Variants in FAAH observed in about 807,000 individuals in gnomAD.
The protein encoded by FAAH is fatty-acid amide hydrolase 1.
Under a neutral mutation model 69.7 loss-of-function variants are expected in FAAH, and 63 were observed. The observed-to-expected ratio is 0.90, with a 90% CI of 0.74 to 1.12. The LOEUF (loss-of-function observed/expected upper bound fraction) is 1.12, where lower values mean the gene tolerates loss of function less well. Ranked by LOEUF, FAAH falls within the 50% of genes most tolerant of loss-of-function variation. The pLI is 0.00. For synonymous variants in FAAH, 305 were observed against 324.2 expected (o/e 0.94, Z 0.64); for missense variants, 680 against 755.0 (o/e 0.90, Z 1.16).
At chr1:46,398,507 A>C (rs555905750) in intron 1 of FAAH, among the ~76,000 whole-genome samples, 1 of 151,364 alleles carries the variant, frequency 6.6e-6, no homozygotes, top group Non-Finnish European at 1.5e-5. Context: ...TGTCTGATAG[A>C]TTCTGGACAA....
rs894778134 is a variant in FAAH, at chr1:46,413,733, G to A, written c.*158G>A. On this transcript the variant is annotated 3_prime_UTR_variant, in exon 15 of 15. Coordinates refer to ENST00000243167, the MANE Select transcript of FAAH (RefSeq NM_001441.3). ...CCTGCAAGAAGCGCCGACTCCCTGAGTCTGGACCTCCATCCCTGCTCTGGT... is the reference window on the plus strand; with the variant it reads ...CCTGCAAGAAGCGCCGACTCCCTGAATCTGGACCTCCATCCCTGCTCTGGT... The A allele has an allele frequency of 2.0e-6, 2 of 1,016,996 alleles. No individual in the cohort carries two copies. The highest frequency in any genetic ancestry group is 2.0e-5 in the Admixed American group (1 of 49,260). 63.0% of individuals were successfully genotyped at this position (1,016,996 alleles called of 1,614,324 possible).
In FAAH at chr1:46,405,240, G is replaced by A; in HGVS notation, c.444+92G>A. The A allele has an allele frequency of 6.2e-7, 1 of 1,611,526 alleles. No individual in the cohort carries two copies. The highest frequency in any genetic ancestry group is 8.5e-7 in the Non-Finnish European group (1 of 1,179,560). ...GGGTCATTTTGGGCCCTTAGAGGAG[G>A]TATCAGGTCCAGAGGCCTTCCGAGG... On this transcript the variant is annotated intron_variant, in intron 3 of 14. Coordinates refer to ENST00000243167, the MANE Select transcript of FAAH (RefSeq NM_001441.3). The surrounding 1 kb of genome is among the most constrained non-coding windows in gnomAD (Gnocchi z 4.1).
At chr1:46,406,583 C>CTTT (rs34839737) in intron 7 of FAAH, among the ~76,000 whole-genome samples, 17 of 117,792 alleles carry the variant, frequency 1.4e-4, no homozygotes, top group East Asian at 2.4e-4. Context: ...TTCTTTCTTT[C>CTTT]TTTTTTTTTT....
At chr1:46,395,499 G>A (rs1664580067) in intron 1 of FAAH, among the ~76,000 whole-genome samples, 2 of 152,244 alleles carry the variant, frequency 1.3e-5, no homozygotes, top group South Asian at 2.1e-4. Context: ...GCCTGGCTGA[G>A]GGTTTGGAAG....
At chr1:46,406,440 C>T in intron 7 of FAAH, 72 bp downstream of exon 7, 1 of 1,597,742 alleles carries the variant, frequency 6.3e-7, no homozygotes, top group South Asian at 1.1e-5. Flanking sequence ...TGTGGGCAGG[C>T]CTTGGAGCCC....
At chr1:46,402,023 A>C (rs1664711333) in intron 1 of FAAH, 68 bp from the exon 2 acceptor site, 1 of 1,326,356 alleles carries the variant, frequency 7.5e-7, no homozygotes, top group Non-Finnish European at 1.1e-6. Context: ...GGCATGGGCC[A>C]CTGGTGTCTG....
Position 46,410,901 on chromosome 1 carries a change from C to T in FAAH, c.1316+47C>T. On this transcript the variant is annotated intron_variant, in intron 11 of 14. Transcript: ENST00000243167. This position sits in a 1 kb window ranked among gnomAD's most constrained non-coding sequence, Gnocchi z 4.9. Reference sequence around the variant, plus strand: ...GCTGCCGGCCCCTGCCTGTCCTGATCCGAGTCTGGGTCTGGGTAGTTTCTG... The same window carrying T: ...GCTGCCGGCCCCTGCCTGTCCTGATTCGAGTCTGGGTCTGGGTAGTTTCTG... 6.2e-7 allele frequency: 1 copy of T among 1,611,422 alleles called. No individual in the cohort carries two copies. The highest frequency in any genetic ancestry group is 8.5e-7 in the Non-Finnish European group (1 of 1,177,542).
Position 46,410,716 on chromosome 1 carries a change from G to T in FAAH, c.1276-98G>T, listed in dbSNP as rs1435586373. 1.4e-6 allele frequency: 2 copies of T among 1,472,432 alleles called. No homozygotes were observed. Among genetic ancestry groups the T allele is most frequent in the Non-Finnish European group, 1.9e-6 (2 of 1,050,988 alleles). 91.2% of individuals were successfully genotyped at this position (1,472,432 alleles called of 1,614,324 possible). ...GGTGCCGACCTGGGCCCTGGGGGGA[G>T]GCATGGAGGGAGGGGTCCCCAGTGG... is the stretch of plus-strand genomic sequence containing the variant. On this transcript the variant is annotated intron_variant, in intron 10 of 14. Coordinates refer to ENST00000243167, the MANE Select transcript of FAAH (RefSeq NM_001441.3). The surrounding 1 kb of genome is among the most constrained non-coding windows in gnomAD (Gnocchi z 4.9).
At position 46,407,587 on chromosome 1, in the gene FAAH, T is replaced by A. The variant is rs557118084; in HGVS notation, c.952-872T>A. ...CTTGAGTGTTCTGGTTGTGCTCTGGTCCTGGTACTCTCTCTCTCTCTGTCT... is the reference window on the plus strand; with the variant it reads ...CTTGAGTGTTCTGGTTGTGCTCTGGACCTGGTACTCTCTCTCTCTCTGTCT... On this transcript the variant is annotated intron_variant, in intron 7 of 14. Coordinates refer to ENST00000243167, the MANE Select transcript of FAAH (RefSeq NM_001441.3). 3.4e-4 allele frequency among the ~76,000 whole-genome samples: 51 copies of A among 152,092 alleles called. No individual in the cohort carries two copies. In the South Asian group the frequency reaches 0.011, roughly 32 times the overall value.
chr1:46,410,901 C>G lies in FAAH; in HGVS notation c.1316+47C>G, dbSNP rs113338376. 38 of 1,611,422 alleles carry G rather than the reference C, an allele frequency of 2.4e-5. 1 individual carries two copies. In the African/African-American group the frequency reaches 2.5e-4, roughly 11 times the overall value. Reference sequence around the variant, plus strand: ...GCTGCCGGCCCCTGCCTGTCCTGATCCGAGTCTGGGTCTGGGTAGTTTCTG... The same window carrying G: ...GCTGCCGGCCCCTGCCTGTCCTGATGCGAGTCTGGGTCTGGGTAGTTTCTG... On this transcript the variant is annotated intron_variant, in intron 11 of 14. Transcript: ENST00000243167. This position sits in a 1 kb window ranked among gnomAD's most constrained non-coding sequence, Gnocchi z 4.9.
chr1:46,397,528 G>A (rs1008941472), intron 1 of FAAH, among the ~76,000 whole-genome samples: 1 of 151,814 alleles, frequency 6.6e-6, no homozygotes, highest in East Asian at 1.9e-4. Flanking sequence ...TGTAGGCTTT[G>A]CGGGGGAGTA....
chr1:46,396,526 T>C (rs546103350), intron 1 of FAAH, among the ~76,000 whole-genome samples: 3 of 152,344 alleles, frequency 2.0e-5, no homozygotes, highest in Admixed American at 2.0e-4. Context: ...ATACCCAGGC[T>C]TTCTTGGGCA....
At position 46,409,117 on chromosome 1, in the gene FAAH, C is replaced by G; in HGVS notation, c.1094C>G (p.Pro365Arg). 1 of 1,614,006 alleles carries G rather than the reference C, an allele frequency of 6.2e-7. No individual in the cohort carries two copies. The highest frequency in any genetic ancestry group is 8.5e-7 in the Non-Finnish European group (1 of 1,179,952). ...TCCCTGCAGCTGGTTCCCTTCTTGC[C>G]AAGCAACATACCCCATGCTCTGGAG... ...AAGHTLVPFL[P>R]SNIPHALETL... Residue 365 changes from proline (P) to arginine (R), a missense_variant, in exon 9 of 15, where the codon CCA becomes CGA. By Grantham distance (103) the Pro-to-Arg change is moderately radical. Transcript: ENST00000243167.
chr1:46,408,646 A>G, intron 8 of FAAH, 62 bp downstream of exon 8: 2 of 1,610,568 alleles, frequency 1.2e-6, no homozygotes, highest in Non-Finnish European at 1.7e-6. Context: ...CCTTCCTGGT[A>G]CCCATGGCTA....
In FAAH at chr1:46,410,317, A is replaced by G; in HGVS notation, c.1176-81A>G. 2 of 1,054,758 alleles carry G rather than the reference A, an allele frequency of 1.9e-6. No individual in the cohort carries two copies. The highest frequency in any genetic ancestry group is 3.0e-6 in the Non-Finnish European group (2 of 670,414). 65.3% of individuals were successfully genotyped at this position (1,054,758 alleles called of 1,614,324 possible). A position where few individuals can be genotyped will look rare whatever the true frequency, so the allele number is the denominator to read the frequency against. On this transcript the variant is annotated intron_variant, in intron 9 of 14. Coordinates refer to ENST00000243167, the MANE Select transcript of FAAH (RefSeq NM_001441.3). The surrounding 1 kb of genome is among the most constrained non-coding windows in gnomAD (Gnocchi z 4.9). The stretch of plus-strand genomic sequence containing the variant: ...GGTGGACAGGATCCCTGCATAGAGA[A>G]TGGGATTGCTGTGGGCCGGGCGAGC...
intron 1 of FAAH, among the ~76,000 whole-genome samples, chr1:46,397,528 G>T (rs1008941472): frequency 6.6e-6 from 1 of 151,814 alleles, no homozygotes; most frequent in Non-Finnish European, 1.5e-5. Context: ...TGTAGGCTTT[G>T]CGGGGGAGTA....
intron 2 of FAAH, 37 bp downstream of exon 2, chr1:46,402,241 G>A: frequency 6.6e-7 from 1 of 1,522,948 alleles, no homozygotes; most frequent in Non-Finnish European, 8.9e-7. Flanking sequence ...CCTGGGAAAG[G>A]TAAGGCCAGC....
chr1:46,399,091 T>C (rs1664651851), intron 1 of FAAH, among the ~76,000 whole-genome samples: 1 of 152,214 alleles, frequency 6.6e-6, no homozygotes, highest in African/African-American at 2.4e-5. Flanking sequence ...AGAACACCTA[T>C]TTATGCCCTT....
chr1:46,413,123 G>A lies in FAAH; in HGVS notation c.1514G>A (p.Gly505Glu). 1 of 1,614,152 alleles carries A rather than the reference G, an allele frequency of 6.2e-7. No homozygotes were observed. Among genetic ancestry groups the A allele is most frequent in the Admixed American group, 1.7e-5 (1 of 60,028 alleles). Residue 505 changes from glycine (G) to glutamate (E), a missense_variant, in exon 14 of 15, where the codon GGG becomes GAG. Coordinates refer to ENST00000243167, the MANE Select transcript of FAAH (RefSeq NM_001441.3). ...MLYNCLDFPA[G>E]VVPVTTVTAE... ...TACAACTGCCTGGACTTCCCTGCAG[G>A]GGTGGTGCCTGTCACCACGGTGACT... is the stretch of plus-strand genomic sequence containing the variant.
Sources: allele counts gnomAD v4.1 joint callset (sites outside exome capture counted in the v4.1 genomes callset), GRCh38; gene constraint gnomAD v4.1.1; non-coding constraint Gnocchi (gnomAD v3.1); transcripts MANE v1.5; gene names NCBI Gene and HGNC (gene_info 2026-07-23, HGNC 2026-07-21).